SPATS2: variants seen among roughly 807,000 people sequenced by gnomAD.
The protein encoded by SPATS2 is spermatogenesis associated serine rich 2.
A neutral mutation model predicts 63.7 loss-of-function variants in SPATS2; 38 were observed. The ratio of observed to expected loss-of-function variants is 0.60; its 90% confidence interval spans 0.46 to 0.78. SPATS2 has a LOEUF of 0.78. Ranked by LOEUF, SPATS2 falls within the 30% of genes least tolerant of loss-of-function variation. SPATS2 has a pLI of 0.00. For missense variants in SPATS2, 588 were observed against 666.2 expected, an observed-to-expected ratio of 0.88 and a Z score of 1.29; for synonymous variants, 207 against 232.9, an observed-to-expected ratio of 0.89 and a Z score of 1.01.
intron 1 of SPATS2, among the ~76,000 whole-genome samples, chr12:49,369,927 A>G (rs1437074464): frequency 6.6e-6 from 1 of 152,208 alleles, no homozygotes; most frequent in African/African-American, 2.4e-5. Context: ...TGGTACTAGC[A>G]TTACCTCTAA....
chr12:49,462,321 C>A (rs1270919484), intron 3 of SPATS2: 1 of 702,408 alleles, frequency 1.4e-6, no homozygotes, highest in Non-Finnish European at 2.6e-6. Flanking sequence ...GGCATGAGTG[C>A]TGGAACCGGC....
intron 2 of SPATS2, among the ~76,000 whole-genome samples, chr12:49,416,260 C>T (rs1009538596): frequency 6.6e-5 from 10 of 151,974 alleles, no homozygotes; most frequent in Non-Finnish European, 1.3e-4. Context: ...TCCTCACCAG[C>T]GTCTCTTATG....
chr12:49,378,998 A>C (rs1238874569), intron 2 of SPATS2, among the ~76,000 whole-genome samples: 2 of 149,710 alleles, frequency 1.3e-5, no homozygotes, highest in African/African-American at 4.9e-5. Context: ...GCTCACTTCA[A>C]CCTCTGCCTC....
chr12:49,393,677 TG>T (rs1216320145), intron 2 of SPATS2, among the ~76,000 whole-genome samples: 5 of 152,228 alleles, frequency 3.3e-5, no homozygotes, highest in African/African-American at 7.2e-5. Flanking sequence ...TTCTTATTGA[TG>T]TTCATATTGT....
chr12:49,524,649 T>A (rs1405395306), intron 12 of SPATS2, 33 bp from the exon 13 acceptor site: 2 of 1,605,328 alleles, frequency 1.2e-6, no homozygotes, highest in South Asian at 2.2e-5. Flanking sequence ...TGTTCTATCA[T>A]ATGATCATAT....
chr12:49,498,669 A>G (rs898456871), intron 8 of SPATS2, among the ~76,000 whole-genome samples: 1 of 151,944 alleles, frequency 6.6e-6, no homozygotes, highest in Non-Finnish European at 1.5e-5. Flanking sequence ...TCTATGCAGT[A>G]TATGTCTCTG....
At chr12:49,415,466 A>G (rs889560135) in intron 2 of SPATS2, among the ~76,000 whole-genome samples, 2 of 152,208 alleles carry the variant, frequency 1.3e-5, no homozygotes, top group African/African-American at 4.8e-5. Flanking sequence ...TGGAAATTGT[A>G]TAATTTCTTC....
chr12:49,489,816 G>A (rs1592450755), intron 5 of SPATS2, among the ~76,000 whole-genome samples: 2 of 152,304 alleles, frequency 1.3e-5, no homozygotes, highest in South Asian at 4.1e-4. Context: ...TGGTATTTAA[G>A]AGGAAATCAT....
At chr12:49,514,513 G>C (rs779273595) in intron 9 of SPATS2, 42 bp from the exon 10 acceptor site, 7 of 1,589,070 alleles carry the variant, frequency 4.4e-6, no homozygotes, top group Non-Finnish European at 6.0e-6. Flanking sequence ...TTGTATTTGA[G>C]TTTCTGATCA....
chr12:49,461,211 T>C, intron 3 of SPATS2, 174 bp downstream of exon 3: 1 of 668,122 alleles, frequency 1.5e-6, no homozygotes, highest in Non-Finnish European at 2.5e-6. Flanking sequence ...CATATAACAA[T>C]AGCTTTTCTA....
chr12:49,385,315 C>T (rs1188852372), intron 2 of SPATS2, among the ~76,000 whole-genome samples: 2 of 150,432 alleles, frequency 1.3e-5, no homozygotes, highest in Admixed American at 6.6e-5. Context: ...AAAAAACACC[C>T]TCCCAAAGGA....
intron 2 of SPATS2, among the ~76,000 whole-genome samples, chr12:49,412,564 T>C (rs1944815632): frequency 6.6e-6 from 1 of 151,986 alleles, no homozygotes; most frequent in South Asian, 2.1e-4. Flanking sequence ...AAACCATTGA[T>C]TATGTGTGTG....
At chr12:49,376,047 C>T (rs1175099292) in intron 2 of SPATS2, among the ~76,000 whole-genome samples, 1 of 150,254 alleles carries the variant, frequency 6.7e-6, no homozygotes, top group Non-Finnish European at 1.5e-5. Context: ...GTCTTGGCCT[C>T]CCAAAATGCT....
At chr12:49,389,860 GC>G (rs1260124911) in intron 2 of SPATS2, 5 of 845,470 alleles carry the variant, frequency 5.9e-6, no homozygotes, top group Non-Finnish European at 1.0e-5. Context: ...CTAATGGCTA[GC>G]AAAAAAGATG....
At chr12:49,428,232 G>C (rs374492466) in intron 2 of SPATS2, among the ~76,000 whole-genome samples, 175 of 151,810 alleles carry the variant, frequency 1.2e-3, no homozygotes, top group African/African-American at 3.9e-3. Context: ...TCCAGCCTGG[G>C]CTAAGGAGCG....
At chr12:49,518,500 G>A (rs1592480683) in intron 10 of SPATS2, among the ~76,000 whole-genome samples, 3 of 152,168 alleles carry the variant, frequency 2.0e-5, no homozygotes, top group South Asian at 2.1e-4. Flanking sequence ...CAGAATGAAG[G>A]TGATCCAGAT....
chr12:49,426,030 T>C (rs1945069199), intron 2 of SPATS2, among the ~76,000 whole-genome samples: 2 of 152,332 alleles, frequency 1.3e-5, no homozygotes, highest in South Asian at 4.1e-4. Context: ...TCTTAGTAAG[T>C]ATTGCATAGT....
Position 49,526,768 on chromosome 12 carries a change from C to G in SPATS2, c.*513C>G, listed in dbSNP as rs1947043503. On this transcript the variant is annotated 3_prime_UTR_variant, in exon 14 of 14. Coordinates refer to ENST00000552918, the MANE Select transcript of SPATS2 (RefSeq NM_023071.4). ...GAAACATTTGAGAACCTGCCTCTAT[C>G]CCAGAATGTGCTGGAGATTTGACAC... The G allele has an allele frequency of 6.5e-6, 1 of 154,362 alleles. No individual in the cohort carries two copies. The highest frequency in any genetic ancestry group is 1.4e-5 in the Non-Finnish European group (1 of 69,550). The allele number at this position is 154,362 out of a possible 1,614,324, so 9.6% of individuals were successfully genotyped here. A position where few individuals can be genotyped will look rare whatever the true frequency, so the allele number is the denominator to read the frequency against.
At chr12:49,430,593 C>G (rs182997385) in intron 2 of SPATS2, among the ~76,000 whole-genome samples, 8 of 152,030 alleles carry the variant, frequency 5.3e-5, no homozygotes, top group African/African-American at 1.7e-4. Flanking sequence ...CATTTATCTT[C>G]TTGACACATT....
Sources: allele counts gnomAD v4.1 joint callset (sites outside exome capture counted in the v4.1 genomes callset), GRCh38; gene constraint gnomAD v4.1.1; transcripts MANE v1.5; gene names NCBI Gene and HGNC (gene_info 2026-07-23, HGNC 2026-07-21).